CCDC6: variants seen among roughly 807,000 people sequenced by gnomAD.
CCDC6 encodes the protein coiled-coil domain containing 6, also known as coiled-coil domain-containing protein 6.
CCDC6 carries 20 observed loss-of-function variants against 56.6 expected under a neutral mutation model. That is an observed-to-expected ratio of 0.35 (90% confidence interval 0.25 to 0.51). The LOEUF (loss-of-function observed/expected upper bound fraction) is 0.51. Among genes scored for constraint, CCDC6 ranks in the 20% least tolerant of loss-of-function variants. The probability of loss-of-function intolerance (pLI) is 0.95; values close to 1 mark genes in which losing one functional copy is unlikely to be tolerated. For missense variants in CCDC6, 367 were observed against 601.1 expected, an observed-to-expected ratio of 0.61 and a Z score of 4.07; for synonymous variants, 241 against 234.4, an observed-to-expected ratio of 1.03 and a Z score of -0.26.
At chr10:59,867,825 T>C (rs2071190006) in intron 1 of CCDC6, among the ~76,000 whole-genome samples, 1 of 152,162 alleles carries the variant, frequency 6.6e-6, no homozygotes, top group African/African-American at 2.4e-5. Flanking sequence ...CATCTCAGCC[T>C]ACCACAGTGC....
chr10:59,802,394 T>C (rs942122538), intron 7 of CCDC6, among the ~76,000 whole-genome samples: 4 of 152,174 alleles, frequency 2.6e-5, no homozygotes, highest in Non-Finnish European at 5.9e-5. Flanking sequence ...AGGAAGTGAT[T>C]AGATATTCTT....
chr10:59,848,246 G>A (rs2071010186), intron 2 of CCDC6, among the ~76,000 whole-genome samples: 2 of 152,296 alleles, frequency 1.3e-5, no homozygotes, highest in Non-Finnish European at 2.9e-5. Flanking sequence ...CTCTTTTAAA[G>A]TATACATAGC....
intron 1 of CCDC6, among the ~76,000 whole-genome samples, chr10:59,854,896 G>A (rs1414808640): frequency 6.6e-6 from 1 of 152,252 alleles, no homozygotes; most frequent in Non-Finnish European, 1.5e-5. Context: ...AAGGCTGAGA[G>A]GAACTGTAGT....
At chr10:59,795,460 T>C (rs1358451761) in intron 7 of CCDC6, among the ~76,000 whole-genome samples, 1 of 140,028 alleles carries the variant, frequency 7.1e-6, no homozygotes, top group Non-Finnish European at 1.6e-5. Context: ...TTATTTTTTT[T>C]CTTATTCATT....
intron 1 of CCDC6, among the ~76,000 whole-genome samples, chr10:59,873,437 T>C (rs2071249542): frequency 6.6e-6 from 1 of 152,082 alleles, no homozygotes; most frequent in South Asian, 2.1e-4. Flanking sequence ...TACTAGAAAC[T>C]AGAAGAATCA....
At chr10:59,876,900 T>C (rs1168495935) in intron 1 of CCDC6, among the ~76,000 whole-genome samples, 1 of 152,168 alleles carries the variant, frequency 6.6e-6, no homozygotes, top group Non-Finnish European at 1.5e-5. Context: ...CATCATTGTG[T>C]GAACATCAAA....
intron 3 of CCDC6, among the ~76,000 whole-genome samples, chr10:59,827,461 T>C (rs774929302): frequency 9.9e-5 from 15 of 152,032 alleles, no homozygotes; most frequent in Admixed American, 3.9e-4. Context: ...ACACATGGAG[T>C]GTGAGGACAG....
intron 3 of CCDC6, among the ~76,000 whole-genome samples, chr10:59,830,219 T>C (rs2070824547): frequency 6.6e-6 from 1 of 152,200 alleles, no homozygotes; most frequent in Non-Finnish European, 1.5e-5. Flanking sequence ...CATAGTGTAG[T>C]GCATGCCTTT....
chr10:59,814,018 C>G (rs1460097670), intron 4 of CCDC6, among the ~76,000 whole-genome samples: 1 of 152,152 alleles, frequency 6.6e-6, no homozygotes, highest in Non-Finnish European at 1.5e-5. Flanking sequence ...CATACAGAAT[C>G]TTCTTCCCAT....
intron 1 of CCDC6, among the ~76,000 whole-genome samples, chr10:59,859,112 A>G (rs1382236930): frequency 6.6e-6 from 1 of 152,158 alleles, no homozygotes; most frequent in African/African-American, 2.4e-5. Flanking sequence ...CACTAAAAAG[A>G]TACAAAAAGG....
intron 3 of CCDC6, among the ~76,000 whole-genome samples, chr10:59,823,462 G>A (rs935582113): frequency 1.3e-5 from 2 of 152,200 alleles, no homozygotes; most frequent in Non-Finnish European, 2.9e-5. Context: ...CTGGAGTTGA[G>A]AGTGGTGGGC....
At chr10:59,857,506 C>A (rs1401395265) in intron 1 of CCDC6, among the ~76,000 whole-genome samples, 1 of 152,048 alleles carries the variant, frequency 6.6e-6, no homozygotes, top group Admixed American at 6.5e-5. Context: ...AGAGAAAATC[C>A]AAGTGCCAAA....
chr10:59,844,775 A>G (rs2070976793), intron 2 of CCDC6, among the ~76,000 whole-genome samples: 1 of 150,786 alleles, frequency 6.6e-6, no homozygotes, highest in South Asian at 2.1e-4. Flanking sequence ...AGAGAGAGAG[A>G]GAGAAAATCC....
At chr10:59,819,095 T>C (rs2070731728) in intron 3 of CCDC6, among the ~76,000 whole-genome samples, 2 of 152,188 alleles carry the variant, frequency 1.3e-5, no homozygotes, top group Non-Finnish European at 2.9e-5. Flanking sequence ...ATATCAGAAG[T>C]ATGTTGGGTC....
intron 3 of CCDC6, among the ~76,000 whole-genome samples, chr10:59,819,354 T>C (rs1589039901): frequency 1.3e-5 from 2 of 152,230 alleles, no homozygotes; most frequent in Middle Eastern, 6.8e-3. Flanking sequence ...GTTTTTTCAG[T>C]TTTAAAAATC....
At chr10:59,796,785 G>A (rs2070523225) in intron 7 of CCDC6, among the ~76,000 whole-genome samples, 1 of 152,058 alleles carries the variant, frequency 6.6e-6, no homozygotes, top group South Asian at 2.1e-4. Context: ...GGCTAACATG[G>A]TGAAACCCCG....
intron 2 of CCDC6, among the ~76,000 whole-genome samples, chr10:59,848,996 G>C (rs569924084): frequency 6.6e-6 from 1 of 152,240 alleles, no homozygotes; most frequent in Non-Finnish European, 1.5e-5. Context: ...GATTACAGGC[G>C]TGAGCCACCA....
chr10:59,839,908 C>T (rs974772553), intron 2 of CCDC6, among the ~76,000 whole-genome samples: 2 of 152,308 alleles, frequency 1.3e-5, no homozygotes, highest in East Asian at 3.9e-4. Context: ...TCACTACAAC[C>T]TCCGACTCCC....
rs2071547599 is a variant in CCDC6 at position 59,906,375 on chromosome 10, C to T, written c.50G>A (p.Ser17Asn). ...ESDTDGAGGN[S>N]SSSAAMQSSC... ...CGACTGCATGGCGGCCGAGCTGCTG[C>T]TGTTGCCCCCCGCCCCGTCCGTGTC... is the stretch of plus-strand genomic sequence containing the variant. Residue 17 changes from serine (S) to asparagine (N), a missense_variant, in exon 1 of 9, where the codon AGC (serine) becomes AAC (asparagine). Physicochemically the swap from Ser to Asn is conservative, Grantham distance 46. Coordinates refer to ENST00000263102, the MANE Select transcript of CCDC6 (RefSeq NM_005436.5). 2 of 1,592,086 alleles carry T rather than the reference C, an allele frequency of 1.3e-6. No homozygotes were observed. The highest frequency in any genetic ancestry group is 1.3e-5 in the African/African-American group (1 of 74,428).
Sources: allele counts gnomAD v4.1 joint callset (sites outside exome capture counted in the v4.1 genomes callset), GRCh38; gene constraint gnomAD v4.1.1; transcripts MANE v1.5; gene names NCBI Gene and HGNC (gene_info 2026-07-23, HGNC 2026-07-21).